Variants in FASTKD1 observed in about 807,000 individuals in gnomAD.
The protein encoded by FASTKD1 is FAST kinase domains 1, also known as FAST kinase domain-containing protein 1, mitochondrial.
FASTKD1 carries 94 observed loss-of-function variants against 90.9 expected under a neutral mutation model. The ratio of observed to expected loss-of-function variants is 1.03; its 90% CI spans 0.88 to 1.23. FASTKD1 has a LOEUF of 1.23. Among genes scored for constraint, FASTKD1 ranks in the 50% most tolerant of loss-of-function variants. The pLI is 0.00. For missense variants in FASTKD1, 945 were observed against 993.5 expected (o/e 0.95, Z 0.66); for synonymous variants, 319 against 345.8 (o/e 0.92, Z 0.86).
Position 169,560,783 on chromosome 2 carries a change from G to A in FASTKD1, c.575C>T (p.Ser192Phe). The A allele has an allele frequency of 7.0e-7, 1 of 1,431,634 alleles. No homozygotes were observed. The highest frequency in any genetic ancestry group is 9.2e-7 in the Non-Finnish European group (1 of 1,089,190). The allele number at this position is 1,431,634 out of a possible 1,614,324, so 88.7% of individuals were successfully genotyped here. A position where few individuals can be genotyped will look rare whatever the true frequency, so the allele number is the denominator to read the frequency against. Residue 192 changes from serine (S) to phenylalanine (F), a missense_variant and splice_region_variant, in exon 5 of 15, where the codon TCC becomes TTC. By Grantham distance (155) the Ser-to-Phe change is radical. Coordinates refer to ENST00000453153, the MANE Select transcript of FASTKD1 (RefSeq NM_024622.6). ...RNLETTQDLS[S>F]LSVLMVNISS... ...TATGTTGACCATCAAGACAGACAAG[G>A]AACTGAAAAAGAAAAAAGATGCAAA...
Position 169,560,343 on chromosome 2 carries a change from C to T in FASTKD1, c.971+44G>A, listed in dbSNP as rs577430315. ...AGGAGACCTAAGCTTGAAGGCTCCA[C>T]GTATTCACAACAAAAAAAGTAATGC... is the stretch of plus-strand genomic sequence containing the variant. On this transcript the variant is annotated intron_variant, in intron 5 of 14. Coordinates refer to ENST00000453153, the MANE Select transcript of FASTKD1 (RefSeq NM_024622.6). The T allele has an allele frequency of 2.6e-5, 39 of 1,473,292 alleles. No individual in the cohort carries two copies. In the African/African-American group the frequency reaches 3.0e-4, roughly 11 times the overall value. 91.3% of individuals were successfully genotyped at this position (1,473,292 alleles called of 1,614,324 possible).
At chr2:169,554,947 A>C (rs1683226199) in intron 7 of FASTKD1, among the ~76,000 whole-genome samples, 177 bp downstream of exon 7, 1 of 152,212 alleles carries the variant, frequency 6.6e-6, no homozygotes, top group East Asian at 1.9e-4. Context: ...GTTTCAAAAT[A>C]TACCCAGCAT....
intron 7 of FASTKD1, among the ~76,000 whole-genome samples, chr2:169,554,194 G>T (rs1685630750): frequency 7.2e-6 from 1 of 139,588 alleles, no homozygotes; most frequent in African/African-American, 2.7e-5. Flanking sequence ...GGACTTCGAG[G>T]CTACAGCAAG....
At chr2:169,551,422 T>G (rs1355395001) in intron 7 of FASTKD1, among the ~76,000 whole-genome samples, 1 of 152,224 alleles carries the variant, frequency 6.6e-6, no homozygotes, top group African/African-American at 2.4e-5. Context: ...TTTTGTTATA[T>G]TCTTACAAGA....
chr2:169,538,978 C>A (rs1466453804), intron 10 of FASTKD1, among the ~76,000 whole-genome samples: 1 of 151,940 alleles, frequency 6.6e-6, no homozygotes, highest in Non-Finnish European at 1.5e-5. Flanking sequence ...TTTTAAAATT[C>A]ATATAGGGGC....
At chr2:169,558,370 G>A (rs948837615) in intron 5 of FASTKD1, among the ~76,000 whole-genome samples, 6 of 152,120 alleles carry the variant, frequency 3.9e-5, no homozygotes, top group African/African-American at 7.2e-5. Flanking sequence ...CGATTCTCCT[G>A]CCTCAGCCTC....
At chr2:169,571,467 G>A (rs1000466092) in intron 2 of FASTKD1, among the ~76,000 whole-genome samples, 186 bp downstream of exon 2, 7 of 149,060 alleles carry the variant, frequency 4.7e-5, no homozygotes, top group Admixed American at 4.7e-4. Context: ...GGAAGGCTGA[G>A]GCAGGAGAAT....
chr2:169,563,181 C>T (rs1201478220), intron 4 of FASTKD1, 44 bp downstream of exon 4: 3 of 1,587,982 alleles, frequency 1.9e-6, no homozygotes, highest in Non-Finnish European at 2.6e-6. Flanking sequence ...ATCCAAAGCC[C>T]AGGATCTTTC....
chr2:169,559,332 T>C (rs1029020541), intron 5 of FASTKD1, among the ~76,000 whole-genome samples: 12 of 152,210 alleles, frequency 7.9e-5, no homozygotes, highest in Non-Finnish European at 1.8e-4. Context: ...AGAGTAATGA[T>C]ACAGATTCCC....
chr2:169,572,182 A>G lies in FASTKD1; in HGVS notation c.-142-11T>C, dbSNP rs1684265225. 1.2e-6 allele frequency: 1 copy of G among 826,442 alleles called. No individual in the cohort carries two copies. Among genetic ancestry groups the G allele is most frequent in the Non-Finnish European group, 1.7e-6 (1 of 574,434 alleles). The allele number at this position is 826,442 out of a possible 1,614,324, so 51.2% of individuals were successfully genotyped here. On this transcript the variant is annotated splice_polypyrimidine_tract_variant and intron_variant, in intron 1 of 14. Coordinates refer to ENST00000453153, the MANE Select transcript of FASTKD1 (RefSeq NM_024622.6). ...TCCAATGTACAGCTTCTATAAAAGAATTGGTTTAACATGGTTATGCTTACA... is the reference window on the plus strand; with the variant it reads ...TCCAATGTACAGCTTCTATAAAAGAGTTGGTTTAACATGGTTATGCTTACA...
chr2:169,551,068 C>T (rs188185353), intron 7 of FASTKD1, among the ~76,000 whole-genome samples: 2 of 152,218 alleles, frequency 1.3e-5, no homozygotes, highest in Admixed American at 6.5e-5. Context: ...ACATACCCAC[C>T]AGAACAGCTC....
chr2:169,542,794 T>C (rs144396908), intron 9 of FASTKD1, among the ~76,000 whole-genome samples: 65 of 152,332 alleles, frequency 4.3e-4, no homozygotes, highest in African/African-American at 1.6e-3. Flanking sequence ...CAAACATCTA[T>C]TAAGGTTCTT....
At chr2:169,548,157 A>G (rs1013825996) in intron 7 of FASTKD1, among the ~76,000 whole-genome samples, 13 of 152,158 alleles carry the variant, frequency 8.5e-5, no homozygotes, top group Non-Finnish European at 2.9e-5. Context: ...CCAGGGAAAC[A>G]AAAGGTCCAT....
chr2:169,547,884 CAAAAAAAAAAAAAAAAAAAA>C (rs1158292826), intron 7 of FASTKD1, among the ~76,000 whole-genome samples: 1 of 21,348 alleles, frequency 4.7e-5, no homozygotes, highest in South Asian at 3.7e-3. Context: ...GACTCCATCT[CAAAAAAAAAAAAAAAAAAAA>C]AAAAAAAAAA....
chr2:169,554,485 G>A (rs1685652935), intron 7 of FASTKD1, among the ~76,000 whole-genome samples: 1 of 151,348 alleles, frequency 6.6e-6, no homozygotes, highest in Non-Finnish European at 1.5e-5. Context: ...CCAATACAGT[G>A]AAATCCCATC....
At chr2:169,537,550 A>G (rs943911738) in intron 11 of FASTKD1, among the ~76,000 whole-genome samples, 10 of 151,954 alleles carry the variant, frequency 6.6e-5, no homozygotes, top group Non-Finnish European at 1.3e-4. Context: ...ACGCCCAGCT[A>G]ATTTTGTATT....
intron 1 of FASTKD1, chr2:169,573,030 A>T (rs1684299060): frequency 6.6e-6 from 1 of 152,172 alleles, no homozygotes; most frequent in South Asian, 2.1e-4. Flanking sequence ...TTTACAGATA[A>T]GGCAAAATAG....
Position 169,572,116 on chromosome 2 carries a change from C to T in FASTKD1, c.-87G>A, listed in dbSNP as rs1474097392. 6.1e-6 allele frequency: 9 copies of T among 1,472,026 alleles called. No individual in the cohort carries two copies. In the Admixed American group the frequency reaches 2.0e-4, roughly 32 times the overall value. 91.2% of individuals were successfully genotyped at this position (1,472,026 alleles called of 1,614,324 possible). Reference sequence around the variant, plus strand: ...GCAGGGATACAAATAACAGTTTTTCCTTCATGTATTTTGCTTCCATTACAA... The same window carrying T: ...GCAGGGATACAAATAACAGTTTTTCTTTCATGTATTTTGCTTCCATTACAA... On this transcript the variant is annotated 5_prime_UTR_variant, in exon 2 of 15. Transcript: ENST00000453153.
intron 2 of FASTKD1, among the ~76,000 whole-genome samples, chr2:169,569,611 C>G (rs2683448): frequency 0.61 from 93,297 of 152,016 alleles, 29,452 homozygotes; most frequent in East Asian, 0.85. Flanking sequence ...AGCACTTTAG[C>G]AGGCTGAGGC....
Sources: gnomAD v4.1 joint callset for allele counts (sites outside exome capture counted in the v4.1 genomes callset) on GRCh38, gnomAD v4.1.1 for gene constraint, MANE v1.5 for transcripts, NCBI Gene and HGNC (gene_info 2026-07-23, HGNC 2026-07-21) for gene names.